The following USH1C variants were observed in gnomAD, a reference collection of about 807,000 sequenced individuals.
USH1C encodes USH1 protein network component harmonin.
Under a neutral mutation model 119.3 loss-of-function variants are expected in USH1C, and 90 were observed. The ratio of observed to expected loss-of-function variants is 0.75; its 90% CI spans 0.64 to 0.90. The LOEUF is 0.90. Among genes scored for constraint, USH1C ranks in the 40% least tolerant of loss-of-function variants. The pLI is 0.00. For synonymous variants in USH1C, 465 were observed against 443.3 expected (o/e 1.05, Z -0.62); for missense variants, 1,165 against 1,167.7 (o/e 1.00, Z 0.03).
chr11:17,523,387 A>G, intron 10 of USH1C, 32 bp downstream of exon 10: 1 of 1,614,086 alleles, frequency 6.2e-7, no homozygotes, highest in Non-Finnish European at 8.5e-7. Context: ...GGAGATGACA[A>G]GGGCCAACAG....
At chr11:17,520,099 AG>A (rs1260693970) in intron 14 of USH1C, among the ~76,000 whole-genome samples, 1 of 152,222 alleles carries the variant, frequency 6.6e-6, no homozygotes, top group Non-Finnish European at 1.5e-5. Flanking sequence ...GGACCCAACC[AG>A]CAATCCTGGA....
intron 18 of USH1C, among the ~76,000 whole-genome samples, chr11:17,508,937 G>A (rs7104083): frequency 0.51 from 77,271 of 151,886 alleles, 20,496 homozygotes; most frequent in East Asian, 0.61. Flanking sequence ...TTTTTTTCCC[G>A]TTAAATCAGG....
At chr11:17,512,700 C>A (rs1849948948) in intron 15 of USH1C, among the ~76,000 whole-genome samples, 1 of 152,172 alleles carries the variant, frequency 6.6e-6, no homozygotes, top group Non-Finnish European at 1.5e-5. Flanking sequence ...CATGCTTAAG[C>A]TCTGGACCAT....
intron 26 of USH1C, 107 bp downstream of exon 26, chr11:17,495,462 G>A (rs557008731): frequency 2.5e-6 from 3 of 1,185,714 alleles, no homozygotes; most frequent in East Asian, 2.3e-5. Context: ...GGCGCCTTGT[G>A]TACCCTCCAG....
At chr11:17,511,016 A>G (rs1045712013) in intron 16 of USH1C, among the ~76,000 whole-genome samples, 1 of 152,202 alleles carries the variant, frequency 6.6e-6, no homozygotes, top group Non-Finnish European at 1.5e-5. Context: ...TGGTTTTATA[A>G]TCTAATCAAA....
chr11:17,509,965 A>T, intron 17 of USH1C, 127 bp from the exon 18 acceptor site: 2 of 1,194,600 alleles, frequency 1.7e-6, no homozygotes, highest in Non-Finnish European at 2.3e-6. Context: ...CTTACATCAG[A>T]ACCATGGGGC....
At chr11:17,543,204 C>A (rs1031826394) in intron 1 of USH1C, among the ~76,000 whole-genome samples, 2 of 152,256 alleles carry the variant, frequency 1.3e-5, no homozygotes, top group African/African-American at 4.8e-5. Flanking sequence ...CCTTGGGCTC[C>A]TATGGGCCTC....
chr11:17,537,918 CCCAA>C (rs1184393754), intron 1 of USH1C, among the ~76,000 whole-genome samples: 1 of 152,142 alleles, frequency 6.6e-6, no homozygotes, highest in Non-Finnish European at 1.5e-5. Flanking sequence ...GAATTGAGAC[CCCAA>C]CCTATGCCTA....
intron 1 of USH1C, 41 bp from the exon 2 acceptor site, chr11:17,533,363 A>ACCG: frequency 2.2e-6 from 3 of 1,370,280 alleles, no homozygotes. Flanking sequence ...CAGGCTCAGC[A>ACCG]CCCGCCCCCA....
At chr11:17,540,507 A>G (rs1851420061) in intron 1 of USH1C, among the ~76,000 whole-genome samples, 1 of 151,968 alleles carries the variant, frequency 6.6e-6, no homozygotes, top group African/African-American at 2.4e-5. Flanking sequence ...ACCCCCAAGG[A>G]CCTACCGATG....
At chr11:17,500,999 C>G in intron 23 of USH1C, 52 bp downstream of exon 23, 1 of 1,520,732 alleles carries the variant, frequency 6.6e-7, no homozygotes, top group Non-Finnish European at 9.1e-7. Flanking sequence ...GGGAGGGCCC[C>G]GTCTAACCAC....
At chr11:17,497,037 CA>C (rs1289761506) in intron 24 of USH1C, 5 of 530,038 alleles carry the variant, frequency 9.4e-6, no homozygotes, top group Non-Finnish European at 1.7e-5. Context: ...CCTTGAATGA[CA>C]CTCAGCTCCC....
At chr11:17,495,508 G>A in intron 26 of USH1C, 61 bp downstream of exon 26, 1 of 1,528,644 alleles carries the variant, frequency 6.5e-7, no homozygotes, top group Non-Finnish European at 9.1e-7. Flanking sequence ...AGCGTGGGCA[G>A]CAGATGGCCA....
chr11:17,523,040 C>T, intron 11 of USH1C, 114 bp from the exon 12 acceptor site: 2 of 1,580,582 alleles, frequency 1.3e-6, no homozygotes, highest in Non-Finnish European at 1.7e-6. Flanking sequence ...GGCACTGCGG[C>T]TCCCGCAATC....
chr11:17,511,763 C>A, intron 16 of USH1C, 139 bp downstream of exon 16: 1 of 1,002,008 alleles, frequency 1.0e-6, no homozygotes, highest in Non-Finnish European at 1.4e-6. Flanking sequence ...TCTCTCCAGG[C>A]TGGGGAGCAG....
chr11:17,498,026 T>C lies in USH1C; in HGVS notation c.2490+136A>G. The C allele has an allele frequency of 4.2e-6, 3 of 708,540 alleles. No individual in the cohort carries two copies. In the South Asian group the frequency reaches 5.0e-5, roughly 12 times the overall value. The allele number at this position is 708,540 out of a possible 1,614,324, so 43.9% of individuals were successfully genotyped here. A position where few individuals can be genotyped will look rare whatever the true frequency, so the allele number is the denominator to read the frequency against. ...TTTAAACCACAGGCTGGATGGGGTA[T>C]GGTGTCACCAAAGTGTTGCCTGGAC... On this transcript the variant is annotated intron_variant, in intron 24 of 26. Coordinates refer to ENST00000005226, the MANE Select transcript of USH1C (RefSeq NM_153676.4).
intron 8 of USH1C, among the ~76,000 whole-genome samples, chr11:17,524,997 A>G (rs183237733): frequency 4.6e-4 from 70 of 152,316 alleles, no homozygotes; most frequent in Admixed American, 4.1e-3. Context: ...GTGCACCACC[A>G]TGCCTGGCTC....
chr11:17,520,761 C>T (rs2133867280), intron 14 of USH1C, 109 bp downstream of exon 14: 2 of 1,367,334 alleles, frequency 1.5e-6, no homozygotes, highest in East Asian at 2.3e-5. Context: ...GAAGGAACCA[C>T]AGCCCAGAGC....
At chr11:17,494,490 G>A (rs1849176038) in intron 26 of USH1C, 114 bp from the exon 27 acceptor site, 1 of 1,264,048 alleles carries the variant, frequency 7.9e-7, no homozygotes, top group African/African-American at 1.5e-5. Context: ...ACAAGGCCCT[G>A]CCACCCTTTG....
Sources: allele counts gnomAD v4.1 joint callset (sites outside exome capture counted in the v4.1 genomes callset), GRCh38; gene constraint gnomAD v4.1.1; transcripts MANE v1.5; gene names NCBI Gene and HGNC (gene_info 2026-07-23, HGNC 2026-07-21).